MBD5: variants seen among roughly 807,000 people sequenced by gnomAD.
MBD5 encodes the protein methyl-CpG-binding domain protein 5.
Under a neutral mutation model 117.3 loss-of-function variants are expected in MBD5, and 13 were observed. The observed-to-expected ratio is 0.11, with a 90% CI of 0.07 to 0.18. MBD5 has a LOEUF of 0.18. MBD5 is among the 10% of genes least tolerant of loss of function. The pLI is 1.00. For synonymous variants in MBD5, 727 were observed against 766.4 expected (o/e 0.95, Z 0.85); for missense variants, 1,879 against 2,093.8 (o/e 0.90, Z 2.00).
intron 11 of MBD5, among the ~76,000 whole-genome samples, chr2:148,497,757 C>A (rs1214030920): frequency 1.3e-5 from 2 of 150,324 alleles, no homozygotes; most frequent in Non-Finnish European, 3.0e-5. Flanking sequence ...TGCACTCCAG[C>A]CTGGGTGACA....
intron 4 of MBD5, among the ~76,000 whole-genome samples, chr2:148,400,338 A>T (rs985805884): frequency 6.6e-6 from 1 of 152,200 alleles, no homozygotes; most frequent in Non-Finnish European, 1.5e-5. Flanking sequence ...AAGACAGAGC[A>T]GGAATGTTAA....
chr2:148,462,731 ATTTTGTATATTTGTT>A, intron 6 of MBD5, 47 bp downstream of exon 6: 1 of 1,226,126 alleles, frequency 8.2e-7, no homozygotes, highest in Non-Finnish European at 1.2e-6. Context: ...TTTTTTAGGT[ATTTTGTATATTTGTT>A]TTTCTCATTT....
At chr2:148,337,636 C>T (rs1199556447) in intron 3 of MBD5, among the ~76,000 whole-genome samples, 1 of 151,830 alleles carries the variant, frequency 6.6e-6, no homozygotes, top group East Asian at 1.9e-4. Context: ...TTTTTACTCC[C>T]TTTTTATATC....
At chr2:148,431,705 G>A (rs190265307) in intron 4 of MBD5, among the ~76,000 whole-genome samples, 185 of 152,224 alleles carry the variant, frequency 1.2e-3, no homozygotes, top group Non-Finnish European at 1.3e-3. Flanking sequence ...TTCTTCAAAG[G>A]ACATGATCTT....
At chr2:148,144,958 A>T (rs527818828) in intron 1 of MBD5, among the ~76,000 whole-genome samples, 5 of 152,180 alleles carry the variant, frequency 3.3e-5, no homozygotes, top group African/African-American at 1.2e-4. Context: ...TATGAACTTT[A>T]AAGTAGTTTT....
chr2:148,324,833 T>A (rs1310091334), intron 3 of MBD5, among the ~76,000 whole-genome samples: 1 of 152,116 alleles, frequency 6.6e-6, no homozygotes, highest in Non-Finnish European at 1.5e-5. Context: ...TATTTCCTTC[T>A]CCTGCCTAAT....
chr2:148,363,242 C>A (rs577175082), intron 4 of MBD5, among the ~76,000 whole-genome samples: 2 of 151,606 alleles, frequency 1.3e-5, no homozygotes, highest in African/African-American at 2.4e-5. Flanking sequence ...AGAACCTTTT[C>A]TTTTTTTTGA....
intron 4 of MBD5, among the ~76,000 whole-genome samples, chr2:148,373,857 T>G (rs1227563256): frequency 2.0e-5 from 3 of 152,146 alleles, no homozygotes; most frequent in African/African-American, 7.2e-5. Context: ...TTATTTAGTG[T>G]GTTTCTTTCA....
intron 1 of MBD5, among the ~76,000 whole-genome samples, chr2:148,165,833 A>G (rs758209944): frequency 1.9e-4 from 29 of 152,214 alleles, no homozygotes; most frequent in Admixed American, 3.3e-4. Context: ...ATTTGAGACT[A>G]TGTGTGAGAG....
intron 12 of MBD5, among the ~76,000 whole-genome samples, chr2:148,506,068 C>T (rs2105249923): frequency 6.6e-6 from 1 of 152,228 alleles, no homozygotes; most frequent in South Asian, 2.1e-4. Flanking sequence ...TTATTTTTGC[C>T]AGTTGAAACA....
intron 1 of MBD5, among the ~76,000 whole-genome samples, chr2:148,177,344 C>T (rs111533802): frequency 6.6e-5 from 10 of 152,228 alleles, no homozygotes; most frequent in African/African-American, 2.2e-4. Flanking sequence ...TAGTTCTGAA[C>T]CAGAACTGTG....
intron 13 of MBD5, among the ~76,000 whole-genome samples, chr2:148,512,073 A>T (rs1224003502): frequency 6.6e-6 from 1 of 152,194 alleles, no homozygotes; most frequent in Non-Finnish European, 1.5e-5. Flanking sequence ...CATTTGCTAC[A>T]CCATTGCCTT....
At chr2:148,482,080 G>A (rs1681174991) in intron 8 of MBD5, among the ~76,000 whole-genome samples, 2 of 152,134 alleles carry the variant, frequency 1.3e-5, no homozygotes, top group Admixed American at 1.3e-4. Context: ...GAGTATTGGT[G>A]AGAGAAATGA....
At chr2:148,334,481 C>A (rs79118444) in intron 3 of MBD5, among the ~76,000 whole-genome samples, 1,525 of 151,922 alleles carry the variant, frequency 0.01, 25 homozygotes, top group African/African-American at 0.035. Flanking sequence ...TACATGTGTG[C>A]GCCACTAAGC....
intron 2 of MBD5, among the ~76,000 whole-genome samples, chr2:148,187,158 C>A (rs1698681522): frequency 6.6e-6 from 1 of 152,164 alleles, no homozygotes; most frequent in African/African-American, 2.4e-5. Flanking sequence ...GAGTTTGGGG[C>A]TGTAGTGTGC....
intron 3 of MBD5, among the ~76,000 whole-genome samples, chr2:148,237,151 G>A (rs1051636497): frequency 2.0e-5 from 3 of 152,186 alleles, no homozygotes; most frequent in Non-Finnish European, 4.4e-5. Flanking sequence ...TTCTATCCAT[G>A]CCACTAAAAG....
chr2:148,499,299 T>G (rs144613135), intron 11 of MBD5, among the ~76,000 whole-genome samples: 1 of 152,096 alleles, frequency 6.6e-6, no homozygotes, highest in Non-Finnish European at 1.5e-5. Flanking sequence ...CAAGACCCTG[T>G]TAAAAAAAAT....
chr2:148,052,202 T>C (rs1368941973), intron 1 of MBD5, among the ~76,000 whole-genome samples: 9 of 139,658 alleles, frequency 6.4e-5, no homozygotes, highest in South Asian at 2.2e-4. Context: ...AAGACTGTTA[T>C]TGAGTTTTTT....
At chr2:148,498,258 A>T (rs1681762447) in intron 11 of MBD5, among the ~76,000 whole-genome samples, 1 of 152,232 alleles carries the variant, frequency 6.6e-6, no homozygotes, top group Non-Finnish European at 1.5e-5. Context: ...ATTCACACAG[A>T]GAGGTGTTAT....
Sources: allele counts gnomAD v4.1 joint callset (sites outside exome capture counted in the v4.1 genomes callset), GRCh38; gene constraint gnomAD v4.1.1; transcripts MANE v1.5; gene names NCBI Gene and HGNC (gene_info 2026-07-23, HGNC 2026-07-21).